SMC1B: variants seen among roughly 807,000 people sequenced by gnomAD.
The protein encoded by SMC1B is structural maintenance of chromosomes 1B.
In SMC1B, 60 loss-of-function variants were observed where a neutral mutation model predicts 157.9. The observed-to-expected ratio is 0.38, with a 90% CI of 0.31 to 0.47. SMC1B has a LOEUF of 0.47. SMC1B is among the 20% of genes least tolerant of loss of function. The probability of loss-of-function intolerance (pLI) is 0.99; values close to 1 mark genes in which losing one functional copy is unlikely to be tolerated. For missense variants in SMC1B, 1,165 were observed against 1,426.2 expected (o/e 0.82, Z 2.95); for synonymous variants, 445 against 483.0 (o/e 0.92, Z 1.03).
rs1303218062 is a variant in SMC1B, at chr22:45,410,003, T to G, written c.110-1105A>C. On this transcript the variant is annotated intron_variant, in intron 1 of 24. Transcript: ENST00000357450. ...CCCGATAAAAACGCTGCACATTGAG[T>G]CTTTAGTGAGGTTCCCTGGTGGGCA... is the stretch of plus-strand genomic sequence containing the variant. Among the ~76,000 whole-genome samples the G allele has an allele frequency of 3.3e-5, 5 of 152,204 alleles. No homozygotes were observed. The East Asian group carries it at 7.7e-4, about 23-fold the overall frequency.
chr22:45,377,101 T>C (rs1208180999), intron 12 of SMC1B, among the ~76,000 whole-genome samples: 1 of 152,242 alleles, frequency 6.6e-6, no homozygotes. Context: ...CTTGGTAATT[T>C]ATATTTTCTA....
In SMC1B at chr22:45,362,917, T is replaced by C; in HGVS notation, c.2530A>G (p.Lys844Glu). The change falls in exon 16 of 25, where the codon AAA becomes GAA. Residue 844 changes from lysine (K) to glutamate (E), a missense_variant. Physicochemically the swap from Lys to Glu is moderately conservative, Grantham distance 56. Coordinates refer to ENST00000357450, the MANE Select transcript of SMC1B (RefSeq NM_148674.5). ...KINTLKETIQ[K>E]GSEDIDHLKK... ...AGGTGATCAATATCTTCACTACCTT[T>C]CTGGATAGTTTCTTTTAATGTGTTG... The C allele has an allele frequency of 1.2e-6, 2 of 1,603,386 alleles. No individual in the cohort carries two copies. Among genetic ancestry groups the C allele is most frequent in the South Asian group, 1.1e-5 (1 of 88,808 alleles).
At chr22:45,394,590 T>G (rs1417487278) in intron 8 of SMC1B, 95 bp downstream of exon 8, 2 of 1,295,144 alleles carry the variant, frequency 1.5e-6, no homozygotes, top group Non-Finnish European at 2.0e-6. Context: ...AAGCCATGAC[T>G]GCGCCACTGC....
chr22:45,383,446 AC>A lies in SMC1B; in HGVS notation c.2058+20del, dbSNP rs1281807952. 1 of 1,563,148 alleles carries A rather than the reference AC, an allele frequency of 6.4e-7. No individual in the cohort carries two copies. The highest frequency in any genetic ancestry group is 8.6e-7 in the Non-Finnish European group (1 of 1,162,102). On this transcript the variant is annotated intron_variant, in intron 12 of 24. Coordinates refer to ENST00000357450, the MANE Select transcript of SMC1B (RefSeq NM_148674.5). ...CAATTATTCTACTTAGTATATTACA[AC>A]TTTTATGACATGGATTTACCTTTAG...
At chr22:45,403,712 G>A (rs1270766239) in intron 4 of SMC1B, among the ~76,000 whole-genome samples, 2 of 152,076 alleles carry the variant, frequency 1.3e-5, no homozygotes, top group Non-Finnish European at 2.9e-5. Flanking sequence ...TCCCACCTTG[G>A]CCTCCCAAAG....
intron 23 of SMC1B, among the ~76,000 whole-genome samples, chr22:45,346,020 A>G (rs2086548143): frequency 6.6e-6 from 1 of 151,990 alleles, no homozygotes; most frequent in Non-Finnish European, 1.5e-5. Context: ...CCTGGCCAAC[A>G]TGGTGAACCC....
intron 15 of SMC1B, among the ~76,000 whole-genome samples, chr22:45,367,976 A>G (rs1398294918): frequency 2.6e-5 from 4 of 152,092 alleles, no homozygotes; most frequent in Admixed American, 1.3e-4. Context: ...CTATTCTGAC[A>G]TTTTGGTGAT....
At chr22:45,387,583 G>A (rs1398773549) in intron 10 of SMC1B, among the ~76,000 whole-genome samples, 5 of 152,178 alleles carry the variant, frequency 3.3e-5, no homozygotes, top group East Asian at 1.9e-4. Flanking sequence ...GCCACAAGAC[G>A]TAATTTCCAG....
chr22:45,358,345 G>C (rs2086688998), intron 19 of SMC1B, among the ~76,000 whole-genome samples: 1 of 152,218 alleles, frequency 6.6e-6, no homozygotes, highest in East Asian at 1.9e-4. Flanking sequence ...CCATGAGTCT[G>C]GGAGGCCTGG....
At chr22:45,364,901 G>T (rs1462233829) in intron 15 of SMC1B, among the ~76,000 whole-genome samples, 1 of 139,602 alleles carries the variant, frequency 7.2e-6, no homozygotes, top group African/African-American at 2.7e-5. Flanking sequence ...GCAGTGGCAC[G>T]ATCTCGGCTC....
At position 45,383,517 on chromosome 22, in the gene SMC1B, C is replaced by T. The variant is rs755926921; in HGVS notation, c.2008G>A (p.Glu670Lys). The T allele has an allele frequency of 4.3e-6, 7 of 1,610,316 alleles. No homozygotes were observed. Among genetic ancestry groups the T allele is most frequent in the Non-Finnish European group, 5.1e-6 (6 of 1,178,822 alleles). ...CGTCTGTCTCTTAGATTCTTTAACT[C>T]TTTCTCATCCCAGCATCTAGCCTTG... ...KYKARCWDEKELKNLRDRRSQ... is the reference protein window; with the variant it reads ...KYKARCWDEKKLKNLRDRRSQ... The change falls in exon 12 of 25, where the codon GAG becomes AAG. Residue 670 changes from glutamate to lysine, a missense_variant. Coordinates refer to ENST00000357450, the MANE Select transcript of SMC1B (RefSeq NM_148674.5).
intron 19 of SMC1B, among the ~76,000 whole-genome samples, chr22:45,357,930 G>C (rs926164083): frequency 6.6e-6 from 1 of 152,228 alleles, no homozygotes; most frequent in Non-Finnish European, 1.5e-5. Flanking sequence ...AACCAACCAG[G>C]TGATTGGAGG....
chr22:45,380,688 T>C (rs933512552), intron 12 of SMC1B, among the ~76,000 whole-genome samples: 1 of 152,038 alleles, frequency 6.6e-6, no homozygotes, highest in African/African-American at 2.4e-5. Flanking sequence ...GAAGCCAAAG[T>C]GGAAGGACTG....
At chr22:45,398,945 T>G (rs1038599197) in intron 6 of SMC1B, 150 bp downstream of exon 6, 1 of 754,928 alleles carries the variant, frequency 1.3e-6, no homozygotes, top group Non-Finnish European at 2.1e-6. Context: ...AATCTAGTTC[T>G]GTATACAGGC....
chr22:45,401,759 T>C (rs2087196845), intron 5 of SMC1B, among the ~76,000 whole-genome samples: 1 of 152,222 alleles, frequency 6.6e-6, no homozygotes, highest in African/African-American at 2.4e-5. Flanking sequence ...AGCTTTTCTC[T>C]TTCTTTCACC....
intron 16 of SMC1B, among the ~76,000 whole-genome samples, chr22:45,362,431 C>T (rs1199395221): frequency 1.3e-5 from 2 of 152,216 alleles, no homozygotes; most frequent in Admixed American, 1.3e-4. Context: ...CGCTGCTCCA[C>T]TGCTCTTCAC....
intron 13 of SMC1B, 79 bp downstream of exon 13, chr22:45,372,076 T>C: frequency 3.3e-6 from 4 of 1,203,338 alleles, no homozygotes; most frequent in Non-Finnish European, 4.5e-6. Context: ...GAAAATTACA[T>C]GGAGCTATAT....
At chr22:45,361,662 C>T (rs1284698923) in intron 17 of SMC1B, among the ~76,000 whole-genome samples, 177 bp downstream of exon 17, 1 of 152,148 alleles carries the variant, frequency 6.6e-6, no homozygotes, top group Non-Finnish European at 1.5e-5. Flanking sequence ...AAACAACTAA[C>T]CACTTCTCCT....
At chr22:45,383,318 G>A (rs2086956122) in intron 12 of SMC1B, 149 bp downstream of exon 12, 1 of 537,244 alleles carries the variant, frequency 1.9e-6, no homozygotes, top group Non-Finnish European at 3.0e-6. Flanking sequence ...GAGAGTAAGG[G>A]AAAGATTTTT....
Sources: allele counts gnomAD v4.1 joint callset (sites outside exome capture counted in the v4.1 genomes callset), GRCh38; gene constraint gnomAD v4.1.1; transcripts MANE v1.5; gene names NCBI Gene and HGNC (gene_info 2026-07-23, HGNC 2026-07-21).